Variants in TAPBP observed in about 807,000 individuals in gnomAD.
TAPBP encodes the protein TAP binding protein, also known as tapasin.
In TAPBP, 38 loss-of-function variants were observed where a neutral mutation model predicts 45.7. The ratio of observed to expected loss-of-function variants is 0.83; its 90% CI spans 0.64 to 1.09. TAPBP has a LOEUF of 1.09. Ranked by LOEUF, TAPBP falls within the 50% of genes least tolerant of loss-of-function variation. The pLI, the probability that TAPBP is intolerant of heterozygous loss-of-function variation, is 0.00. For missense variants in TAPBP, 513 were observed against 587.3 expected, an observed-to-expected ratio of 0.87 and a Z score of 1.31; for synonymous variants, 226 against 254.8, an observed-to-expected ratio of 0.89 and a Z score of 1.08.
Position 33,312,437 on chromosome 6 carries a change from GA to G in TAPBP, c.469+779del, listed in dbSNP as rs1390230883. On this transcript the variant is annotated intron_variant, in intron 3 of 7. Coordinates refer to ENST00000434618, the MANE Select transcript of TAPBP (RefSeq NM_003190.5). ...AGAACTCTACCGGTATTCTACCCCG[GA>G]ATACCCCGCCTCCGCTGCCAGGAGG... Among the ~76,000 whole-genome samples, 4 of 152,102 alleles carry G rather than the reference GA, an allele frequency of 2.6e-5. No individual in the cohort carries two copies. The East Asian group carries it at 7.7e-4, about 29-fold the overall frequency.
intron 4 of TAPBP, 146 bp downstream of exon 4, chr6:33,304,843 C>A: frequency 7.3e-7 from 1 of 1,368,548 alleles, no homozygotes; most frequent in Non-Finnish European, 1.0e-6. Context: ...TTCTAGCCTC[C>A]CATTACCCCT....
At position 33,305,225 on chromosome 6, in the gene TAPBP, AGG is replaced by A. The variant is rs755812495; in HGVS notation, c.630_631del (p.Leu211GlyfsTer2). 1 of 1,613,434 alleles carries A rather than the reference AGG, an allele frequency of 6.2e-7. No homozygotes were observed. The highest frequency in any genetic ancestry group is 2.2e-5 in the East Asian group (1 of 44,848). ...AGCCAGGAGCAGATGTCCCTTACCC[AGG>A]TGCTGGCGTCGCCACTCTAGCCCAA... is the stretch of plus-strand genomic sequence containing the variant. On this transcript the variant is annotated frameshift_variant, in exon 4 of 8. Coordinates refer to ENST00000434618, the MANE Select transcript of TAPBP (RefSeq NM_003190.5). LOFTEE classifies it high-confidence loss of function. This position sits in a 1 kb window ranked among gnomAD's most constrained non-coding sequence, Gnocchi z 4.4.
intron 7 of TAPBP, chr6:33,303,639 T>G (rs1768732832): frequency 6.3e-6 from 7 of 1,117,186 alleles, no homozygotes. Flanking sequence ...TAAGTTAATT[T>G]TACCTGTTTC....
intron 7 of TAPBP, 62 bp from the exon 8 acceptor site, chr6:33,301,833 T>A (rs1388901770): frequency 6.2e-7 from 1 of 1,613,108 alleles, no homozygotes; most frequent in Non-Finnish European, 8.5e-7. Flanking sequence ...GTGTACATGG[T>A]CAGTTTAGAG....
chr6:33,311,742 C>T (rs901571214), intron 3 of TAPBP, among the ~76,000 whole-genome samples: 1 of 152,222 alleles, frequency 6.6e-6, no homozygotes, highest in African/African-American at 2.4e-5. Flanking sequence ...TCCAGGGCTC[C>T]CTGTCTGCAT....
At chr6:33,310,194 TA>T (rs931682822) in intron 3 of TAPBP, among the ~76,000 whole-genome samples, 2 of 151,830 alleles carry the variant, frequency 1.3e-5, no homozygotes, top group African/African-American at 4.8e-5. Context: ...AATTAAACAC[TA>T]TACACACAAA....
chr6:33,305,009 G>A lies in TAPBP; in HGVS notation c.848C>T (p.Thr283Ile). ...CTCACTGTACACAGCAAGCTCCAGG[G>A]TGACCTGTCCTTGCAGGTATGGCAG... ...IHLPYLQGQVTLELAVYKPPK... is the reference protein window; with the variant it reads ...IHLPYLQGQVILELAVYKPPK... Residue 283 changes from threonine (T) to isoleucine (I), a missense_variant, in exon 4 of 8, where the codon ACC becomes ATC. Thr to Ile is a moderately conservative substitution (Grantham distance 89). Transcript: ENST00000434618. The surrounding 1 kb of genome is among the most constrained non-coding windows in gnomAD (Gnocchi z 4.4). 1 of 1,614,156 alleles carries A rather than the reference G, an allele frequency of 6.2e-7. No homozygotes were observed. The highest frequency in any genetic ancestry group is 2.2e-5 in the East Asian group (1 of 44,870).
chr6:33,308,792 C>T (rs1403401420), intron 3 of TAPBP, among the ~76,000 whole-genome samples: 2 of 151,886 alleles, frequency 1.3e-5, no homozygotes, highest in African/African-American at 4.8e-5. Flanking sequence ...ATGCATGGCC[C>T]AAGACAATTC....
Position 33,305,011 on chromosome 6 carries a change from GA to G in TAPBP, c.845del (p.Val282AlafsTer15), listed in dbSNP as rs765712832. ...CACTGTACACAGCAAGCTCCAGGGTGACCTGTCCTTGCAGGTATGGCAGGTG... is the reference window on the plus strand; with the variant it reads ...CACTGTACACAGCAAGCTCCAGGGTGCCTGTCCTTGCAGGTATGGCAGGTG... Reference protein sequence around the residue: ...TIHLPYLQGQVTLELAVYKPP... With the variant: ...TIHLPYLQGQXTLELAVYKPP... On this transcript the variant is annotated frameshift_variant, in exon 4 of 8. Coordinates refer to ENST00000434618, the MANE Select transcript of TAPBP (RefSeq NM_003190.5). LOFTEE classifies it high-confidence loss of function. The surrounding 1 kb of genome is among the most constrained non-coding windows in gnomAD (Gnocchi z 4.4). 4.6e-5 allele frequency: 75 copies of G among 1,614,064 alleles called. No individual in the cohort carries two copies. Among genetic ancestry groups the G allele is most frequent in the Non-Finnish European group, 6.1e-5 (72 of 1,180,032 alleles).
intron 7 of TAPBP, chr6:33,303,545 A>T (rs1177568240): frequency 1.7e-6 from 1 of 596,296 alleles, no homozygotes; most frequent in Non-Finnish European, 2.9e-6. Context: ...CCAAAGTCTG[A>T]AAAAATCCAA....
rs1736323888 is a variant in TAPBP, at chr6:33,313,379, C to T, written c.307G>A (p.Ala103Thr). The T allele has an allele frequency of 6.2e-7, 1 of 1,612,796 alleles. No individual in the cohort carries two copies. The highest frequency in any genetic ancestry group is 1.3e-5 in the African/African-American group (1 of 74,938). The stretch of plus-strand genomic sequence containing the variant: ...GGGGTCAGGCCGCTGGCCCATTTCG[C>T]AGAGGCGGGGAGAGGCACGAAGCGG... ...MSRFVPLPAS[A>T]KWASGLTPAQ... Residue 103 changes from alanine to threonine, a missense_variant, in exon 3 of 8, where the codon GCG becomes ACG. Coordinates refer to ENST00000434618, the MANE Select transcript of TAPBP (RefSeq NM_003190.5). This position sits in a 1 kb window ranked among gnomAD's most constrained non-coding sequence, Gnocchi z 7.2.
Position 33,299,972 on chromosome 6 carries a change from A to G in TAPBP, c.*1788T>C, listed in dbSNP as rs1768424146. 6.5e-6 allele frequency: 1 copy of G among 153,704 alleles called. No individual in the cohort carries two copies. The highest frequency in any genetic ancestry group is 2.4e-5 in the African/African-American group (1 of 41,446). 9.5% of individuals were successfully genotyped at this position (153,704 alleles called of 1,614,324 possible). On this transcript the variant is annotated 3_prime_UTR_variant, in exon 8 of 8. Transcript: ENST00000434618. The surrounding 1 kb of genome is among the most constrained non-coding windows in gnomAD (Gnocchi z 5.0). ...CGACTCACACGATCACTTAAATACA[A>G]CTGTGGTGAACCGCACAAGAGGGAC... is the stretch of plus-strand genomic sequence containing the variant.
intron 7 of TAPBP, 29 bp downstream of exon 7, chr6:33,303,926 G>C (rs1247814229): frequency 6.2e-7 from 1 of 1,614,036 alleles, no homozygotes; most frequent in South Asian, 1.1e-5. Context: ...AGTGACAAGG[G>C]AAAGATACAG....
At position 33,314,071 on chromosome 6, in the gene TAPBP, T is replaced by C. The variant is rs1769618913; in HGVS notation, c.-30A>G. 1.9e-6 allele frequency: 3 copies of C among 1,610,588 alleles called. No homozygotes were observed. Among genetic ancestry groups the C allele is most frequent in the Non-Finnish European group, 2.5e-6 (3 of 1,177,772 alleles). On this transcript the variant is annotated 5_prime_UTR_variant, in exon 1 of 8. Coordinates refer to ENST00000434618, the MANE Select transcript of TAPBP (RefSeq NM_003190.5). ...CTGCGACCTCCTCAGCCATGAAGCC[T>C]CCTCTTCCTCCTTTCACTTTCACTT... is the stretch of plus-strand genomic sequence containing the variant.
At chr6:33,301,911 A>G in intron 7 of TAPBP, 140 bp from the exon 8 acceptor site, 1 of 1,076,186 alleles carries the variant, frequency 9.3e-7, no homozygotes, top group Admixed American at 1.9e-5. Context: ...CCCTCCAGAC[A>G]CTGCTGAGTG....
At chr6:33,311,055 G>A (rs1196691250) in intron 3 of TAPBP, among the ~76,000 whole-genome samples, 1 of 152,110 alleles carries the variant, frequency 6.6e-6, no homozygotes, top group African/African-American at 2.4e-5. Context: ...GGTGGCTCAT[G>A]CCTGTAATCC....
intron 6 of TAPBP, 43 bp downstream of exon 6, chr6:33,304,085 T>C (rs372291038): frequency 8.7e-6 from 14 of 1,609,802 alleles, no homozygotes; most frequent in Non-Finnish European, 1.2e-5. Flanking sequence ...GTGGGGAAAG[T>C]CCACCAACCT....
At position 33,313,987 on chromosome 6, in the gene TAPBP, G is replaced by A; in HGVS notation, c.37+18C>T. 6.2e-7 allele frequency: 1 copy of A among 1,613,976 alleles called. No individual in the cohort carries two copies. The highest frequency in any genetic ancestry group is 2.2e-5 in the East Asian group (1 of 44,884). ...CTTCCCTCTAGTTCTTGGGCGATGA[G>A]TCGCGGGGTTCGCTCACCCAAAGCC... On this transcript the variant is annotated intron_variant, in intron 1 of 7. Coordinates refer to ENST00000434618, the MANE Select transcript of TAPBP (RefSeq NM_003190.5). The surrounding 1 kb of genome is among the most constrained non-coding windows in gnomAD (Gnocchi z 7.2).
Position 33,301,529 on chromosome 6 carries a change from A to G in TAPBP, c.*231T>C, listed in dbSNP as rs1768582335. On this transcript the variant is annotated 3_prime_UTR_variant, in exon 8 of 8. Transcript: ENST00000434618. ...GCGGAGGTTGCAGTAAGCCAAGATC[A>G]TGCCACTGCACTGCAGCCTGGGCGG... 1 of 543,388 alleles carries G rather than the reference A, an allele frequency of 1.8e-6. No homozygotes were observed. The highest frequency in any genetic ancestry group is 1.9e-5 in the African/African-American group (1 of 52,122). 33.7% of individuals were successfully genotyped at this position (543,388 alleles called of 1,614,324 possible). A position where few individuals can be genotyped will look rare whatever the true frequency, so the allele number is the denominator to read the frequency against.
Sources: gnomAD v4.1 joint callset for allele counts (sites outside exome capture counted in the v4.1 genomes callset) on GRCh38, gnomAD v4.1.1 for gene constraint, Gnocchi (gnomAD v3.1) non-coding constraint, MANE v1.5 for transcripts, NCBI Gene and HGNC (gene_info 2026-07-23, HGNC 2026-07-21) for gene names.